Variants in CNTNAP2 observed in about 807,000 individuals in gnomAD.
CNTNAP2 encodes contactin associated protein 2, also known as contactin-associated protein-like 2.
In CNTNAP2, 98 loss-of-function variants were observed where a neutral mutation model predicts 155.2. The ratio of observed to expected loss-of-function variants is 0.63; its 90% CI spans 0.54 to 0.75. The LOEUF is 0.75. Among genes scored for constraint, CNTNAP2 ranks in the 30% least tolerant of loss-of-function variants. The probability of loss-of-function intolerance (pLI) is 0.00; values close to 1 mark genes in which losing one functional copy is unlikely to be tolerated. For missense variants in CNTNAP2, 1,727 were observed against 1,688.1 expected (o/e 1.02, Z -0.40); for synonymous variants, 651 against 631.2 (o/e 1.03, Z -0.47).
intron 10 of CNTNAP2, among the ~76,000 whole-genome samples, chr7:147,432,505 C>A (rs1171860311): frequency 6.6e-6 from 1 of 152,130 alleles, no homozygotes; most frequent in Non-Finnish European, 1.5e-5. Context: ...TCACTACTTC[C>A]CACATTAGCT....
At chr7:147,733,431 T>C (rs1466896819) in intron 13 of CNTNAP2, among the ~76,000 whole-genome samples, 1 of 152,184 alleles carries the variant, frequency 6.6e-6, no homozygotes, top group South Asian at 2.1e-4. Context: ...AGCCTTGTAG[T>C]ATAGTTTGAA....
chr7:146,621,099 C>T (rs561262368), intron 1 of CNTNAP2, among the ~76,000 whole-genome samples: 12 of 152,180 alleles, frequency 7.9e-5, no homozygotes, highest in African/African-American at 2.2e-4. Flanking sequence ...CGAGCTAGAG[C>T]GAAATTTAAG....
intron 1 of CNTNAP2, among the ~76,000 whole-genome samples, chr7:146,688,661 C>G (rs76827652): frequency 6.6e-6 from 1 of 152,040 alleles, no homozygotes; most frequent in Non-Finnish European, 1.5e-5. Context: ...CAGGAACTGG[C>G]TATTTTTCAC....
chr7:147,654,454 C>T (rs1013643953), intron 13 of CNTNAP2, among the ~76,000 whole-genome samples: 1 of 152,150 alleles, frequency 6.6e-6, no homozygotes, highest in African/African-American at 2.4e-5. Context: ...TGGGAATAAA[C>T]CACTTTCTTT....
At chr7:147,277,972 T>G (rs969101342) in intron 8 of CNTNAP2, among the ~76,000 whole-genome samples, 1 of 151,832 alleles carries the variant, frequency 6.6e-6, no homozygotes, top group Non-Finnish European at 1.5e-5. Context: ...ATGAAATGCA[T>G]GCAAATTGCT....
At chr7:146,934,342 C>G (rs1284835630) in intron 3 of CNTNAP2, among the ~76,000 whole-genome samples, 2 of 150,324 alleles carry the variant, frequency 1.3e-5, no homozygotes, top group Non-Finnish European at 2.9e-5. Flanking sequence ...ATTACAAGAA[C>G]AAAAAACCAA....
chr7:146,834,735 ACTT>A (rs1803583597), intron 2 of CNTNAP2, among the ~76,000 whole-genome samples: 1 of 152,276 alleles, frequency 6.6e-6, no homozygotes, highest in South Asian at 2.1e-4. Flanking sequence ...CAGCATCTCC[ACTT>A]CTTCTAACTC....
chr7:147,960,696 G>A (rs200688216), intron 14 of CNTNAP2, among the ~76,000 whole-genome samples: 396 of 152,176 alleles, frequency 2.6e-3, no homozygotes, highest in Admixed American at 4.1e-3. Context: ...AGGTCCAGAG[G>A]AGAGTGGACG....
chr7:147,241,480 T>A (rs1346105012), intron 8 of CNTNAP2, among the ~76,000 whole-genome samples: 1 of 151,708 alleles, frequency 6.6e-6, no homozygotes, highest in African/African-American at 2.4e-5. Context: ...ATACAAAAAT[T>A]ACCTGGGCGT....
intron 17 of CNTNAP2, among the ~76,000 whole-genome samples, chr7:148,149,367 G>A (rs975381493): frequency 2.0e-5 from 3 of 152,098 alleles, no homozygotes; most frequent in Admixed American, 6.6e-5. Context: ...CCTGAGATCA[G>A]AATTCTACAG....
chr7:148,121,470 C>G (rs1377463060), intron 16 of CNTNAP2, among the ~76,000 whole-genome samples: 1 of 152,318 alleles, frequency 6.6e-6, no homozygotes, highest in East Asian at 1.9e-4. Context: ...GGCGGGCTAC[C>G]AGAGGGGCCT....
chr7:148,341,285 A>AT (rs34289027), intron 21 of CNTNAP2, among the ~76,000 whole-genome samples: 53,962 of 150,216 alleles, frequency 0.36, 10,176 homozygotes, highest in African/African-American at 0.4. Context: ...TTTTTTTTTA[A>AT]TTTTTTTTTT....
At chr7:146,416,502 C>A (rs1441511910) in intron 1 of CNTNAP2, among the ~76,000 whole-genome samples, 5 of 152,088 alleles carry the variant, frequency 3.3e-5, no homozygotes, top group Non-Finnish European at 1.5e-5. Flanking sequence ...AGCAATCCTT[C>A]TCTCAGCCTC....
At chr7:147,681,127 T>C (rs1795942888) in intron 13 of CNTNAP2, among the ~76,000 whole-genome samples, 1 of 152,030 alleles carries the variant, frequency 6.6e-6, no homozygotes, top group East Asian at 1.9e-4. Flanking sequence ...TATGAGATCA[T>C]AGACCAAAGA....
intron 15 of CNTNAP2, among the ~76,000 whole-genome samples, chr7:148,023,196 G>C (rs772349755): frequency 6.6e-6 from 1 of 152,138 alleles, no homozygotes; most frequent in Non-Finnish European, 1.5e-5. Context: ...AAAGCAAAAA[G>C]GGGAGACAAA....
At chr7:147,225,786 G>T (rs867476326) in intron 8 of CNTNAP2, among the ~76,000 whole-genome samples, 1 of 94,884 alleles carries the variant, frequency 1.1e-5, no homozygotes, top group African/African-American at 4.8e-5. Flanking sequence ...AAGGAAGGAA[G>T]GAAGGAAGGA....
chr7:146,130,158 T>A (rs1797693600), intron 1 of CNTNAP2, among the ~76,000 whole-genome samples: 2 of 152,188 alleles, frequency 1.3e-5, no homozygotes, highest in Admixed American at 1.3e-4. Flanking sequence ...AAATTTTCAC[T>A]GGTTAGAAAT....
intron 13 of CNTNAP2, among the ~76,000 whole-genome samples, chr7:147,771,366 A>T (rs1390181469): frequency 4.6e-5 from 7 of 152,226 alleles, no homozygotes; most frequent in Admixed American, 4.6e-4. Context: ...TGCTACAAAT[A>T]AAGTAGAGAG....
At chr7:148,289,913 A>G (rs1260794631) in intron 21 of CNTNAP2, among the ~76,000 whole-genome samples, 1 of 152,218 alleles carries the variant, frequency 6.6e-6, no homozygotes, top group Non-Finnish European at 1.5e-5. Context: ...TTAAAGCCTG[A>G]GTTATTTTTT....
Sources: allele counts gnomAD v4.1 joint callset (sites outside exome capture counted in the v4.1 genomes callset), GRCh38; gene constraint gnomAD v4.1.1; transcripts MANE v1.5; gene names NCBI Gene and HGNC (gene_info 2026-07-23, HGNC 2026-07-21).